DHRSX: variants seen among roughly 807,000 people sequenced by gnomAD.
DHRSX encodes the protein polyprenol dehydrogenase.
In DHRSX, 31 loss-of-function variants were observed where a neutral mutation model predicts 34.0. The observed-to-expected ratio is 0.91, with a 90% CI of 0.69 to 1.23. DHRSX has a LOEUF of 1.23. Ranked by LOEUF, DHRSX falls within the 50% of genes most tolerant of loss-of-function variation. The probability of loss-of-function intolerance (pLI) is 0.00; values close to 1 mark genes in which losing one functional copy is unlikely to be tolerated. For missense variants in DHRSX, 414 were observed against 428.1 expected, an observed-to-expected ratio of 0.97 and a Z score of 0.29; for synonymous variants, 201 against 183.8, an observed-to-expected ratio of 1.09 and a Z score of -0.76.
At chrX:2,320,298 CTTT>C (rs767394558) in intron 3 of DHRSX, among the ~76,000 whole-genome samples, 3 of 100,252 alleles carry the variant, frequency 3.0e-5, no homozygotes, top group Non-Finnish European at 4.3e-5. Flanking sequence ...CTTTTCTTTT[CTTT>C]TTTTTTTTTT....
At chrX:2,340,703 G>C (rs752137897) in intron 3 of DHRSX, among the ~76,000 whole-genome samples, 18 of 152,240 alleles carry the variant, frequency 1.2e-4, no homozygotes, top group Non-Finnish European at 2.4e-4. Context: ...TTGATATTTG[G>C]ACTTTTGTCA....
intron 3 of DHRSX, among the ~76,000 whole-genome samples, chrX:2,336,102 A>G (rs1433670151): frequency 1.3e-5 from 2 of 149,796 alleles, no homozygotes; most frequent in African/African-American, 4.9e-5. Context: ...CCGCCTCTCA[A>G]TTTCAAGCCA....
intron 4 of DHRSX, among the ~76,000 whole-genome samples, chrX:2,285,449 G>A (rs2041793301): frequency 6.6e-6 from 1 of 152,120 alleles, no homozygotes. Context: ...TTCACAGTAG[G>A]GTTTGTGCTC....
rs2043123306 is a variant in DHRSX, at chrX:2,374,893, G to A, written c.286+33852C>T. Among the ~76,000 whole-genome samples the A allele has an allele frequency of 2.2e-5, 3 of 137,332 alleles. 1 individual carries two copies. In the Admixed American group the frequency reaches 2.2e-4, roughly 10 times the overall value. The allele number at this position is 137,332 out of a possible 152,430, so 90.1% of individuals were successfully genotyped here. On this transcript the variant is annotated intron_variant, in intron 3 of 6. Coordinates refer to ENST00000334651, the MANE Select transcript of DHRSX (RefSeq NM_145177.3). ...TCAAGACCACCCAGGGCAAGATAGT[G>A]AGACCCTGTCTCTATAAAAAATAAA... is the stretch of plus-strand genomic sequence containing the variant.
At chrX:2,422,324 G>A (rs1330282632) in intron 2 of DHRSX, among the ~76,000 whole-genome samples, 4 of 152,076 alleles carry the variant, frequency 2.6e-5, no homozygotes, top group Non-Finnish European at 5.9e-5. Context: ...GTGCAGTGGC[G>A]CGATCTCGGT....
intron 1 of DHRSX, among the ~76,000 whole-genome samples, chrX:2,448,716 C>A (rs766696379): frequency 8.3e-4 from 127 of 152,194 alleles, no homozygotes; most frequent in Non-Finnish European, 9.9e-4. Flanking sequence ...TGTTAATGAA[C>A]AATACATTTT....
chrX:2,483,769 A>G (rs987908335), intron 1 of DHRSX, among the ~76,000 whole-genome samples: 9 of 147,296 alleles, frequency 6.1e-5, no homozygotes, highest in Admixed American at 1.4e-4. Flanking sequence ...GTGCCTCGAG[A>G]AAAAAAAGGG....
chrX:2,403,797 A>C (rs187092034), intron 3 of DHRSX, among the ~76,000 whole-genome samples: 2 of 150,026 alleles, frequency 1.3e-5, no homozygotes, highest in African/African-American at 4.9e-5. Flanking sequence ...CGGAGGTTGC[A>C]GTGAGCCGAG....
intron 1 of DHRSX, among the ~76,000 whole-genome samples, chrX:2,475,894 G>A (rs755732854): frequency 6.6e-6 from 1 of 152,302 alleles, no homozygotes; most frequent in African/African-American, 2.4e-5. Context: ...GAATGGGGTG[G>A]TGTAACTGCA....
intron 1 of DHRSX, among the ~76,000 whole-genome samples, chrX:2,462,316 G>A (rs1261614188): frequency 4.0e-5 from 6 of 151,508 alleles, no homozygotes; most frequent in Non-Finnish European, 8.8e-5. Flanking sequence ...CAGTGTTGAC[G>A]TTCATAAATG....
intron 3 of DHRSX, among the ~76,000 whole-genome samples, chrX:2,371,560 C>CCCTCCTTCATTACCATAGTA (rs1556494549): frequency 5.6e-5 from 7 of 125,460 alleles, no homozygotes; most frequent in Admixed American, 2.5e-4. Context: ...TTACCATAGT[C>CCCTCCTTCATTACCATAGTA]CCTCCTTCCA....
At chrX:2,427,384 T>A (rs1240165731) in intron 1 of DHRSX, among the ~76,000 whole-genome samples, 1 of 152,152 alleles carries the variant, frequency 6.6e-6, no homozygotes, top group Non-Finnish European at 1.5e-5. Flanking sequence ...GTGATATGTT[T>A]CACAGGAAGG....
intron 3 of DHRSX, among the ~76,000 whole-genome samples, chrX:2,386,810 G>A (rs1207197586): frequency 1.3e-5 from 2 of 150,438 alleles, no homozygotes; most frequent in Admixed American, 1.3e-4. Flanking sequence ...TTTTGTGTGT[G>A]GAATGAAGGA....
Position 2,442,144 on chromosome X carries a change from A to G in DHRSX, c.110-16840T>C, listed in dbSNP as rs192798724. 7.2e-5 allele frequency among the ~76,000 whole-genome samples: 11 copies of G among 152,250 alleles called. No homozygotes were observed. In the East Asian group the frequency reaches 1.5e-3, roughly 21 times the overall value. ...TATTATATACTGCATTCTTACAGTA[A>G]AGTAAGCTAGAGAAAAGAAAATGCT... On this transcript the variant is annotated intron_variant, in intron 1 of 6. Transcript: ENST00000334651.
At chrX:2,243,389 C>T (rs763127635) in intron 5 of DHRSX, 159 bp from the exon 6 acceptor site, 60 of 175,644 alleles carry the variant, frequency 3.4e-4, no homozygotes, top group Admixed American at 4.6e-4. Flanking sequence ...AGTTTTCCAA[C>T]GCGTGTGGAT....
chrX:2,332,044 T>C (rs2042485075), intron 3 of DHRSX, among the ~76,000 whole-genome samples: 1 of 152,118 alleles, frequency 6.6e-6, no homozygotes, highest in South Asian at 2.1e-4. Context: ...TTAAAAAATA[T>C]ATATCGTTGG....
rs183923899 is a variant in DHRSX, at chrX:2,441,854, C to T, written c.110-16550G>A. On this transcript the variant is annotated intron_variant, in intron 1 of 6. Coordinates refer to ENST00000334651, the MANE Select transcript of DHRSX (RefSeq NM_145177.3). ...TTGGGAGGCTGAGGCAGGTGGATCA[C>T]GAGGTCAGGAGTTCAAGACCAGCCT... Among the ~76,000 whole-genome samples, 16 of 152,176 alleles carry T rather than the reference C, an allele frequency of 1.1e-4. No homozygotes were observed. In the East Asian group the frequency reaches 2.7e-3, roughly 26 times the overall value.
intron 3 of DHRSX, among the ~76,000 whole-genome samples, chrX:2,373,946 G>C (rs2043110641): frequency 6.6e-6 from 1 of 152,162 alleles, no homozygotes; most frequent in Non-Finnish European, 1.5e-5. Flanking sequence ...AAAGGTCAAT[G>C]ATATTGTGAC....
At chrX:2,268,144 T>A (rs1255208948) in intron 4 of DHRSX, among the ~76,000 whole-genome samples, 1 of 152,176 alleles carries the variant, frequency 6.6e-6, no homozygotes, top group Admixed American at 6.5e-5. Flanking sequence ...CTTGACATGT[T>A]CTATCTACCA....
Sources: allele counts gnomAD v4.1 joint callset (sites outside exome capture counted in the v4.1 genomes callset), GRCh38; gene constraint gnomAD v4.1.1; transcripts MANE v1.5; gene names NCBI Gene and HGNC (gene_info 2026-07-23, HGNC 2026-07-21).